The following KIF1A variants were observed in gnomAD, a reference collection of about 807,000 sequenced individuals.
The protein encoded by KIF1A is kinesin-like protein KIF1A.
In KIF1A, 46 loss-of-function variants were observed where a neutral mutation model predicts 227.3. The ratio of observed to expected loss-of-function variants is 0.20; its 90% CI spans 0.16 to 0.26. KIF1A has a LOEUF of 0.26. Among genes scored for constraint, KIF1A ranks in the 10% least tolerant of loss-of-function variants. The pLI, the probability that KIF1A is intolerant of heterozygous loss-of-function variation, is 1.00. For synonymous variants in KIF1A, 1,022 were observed against 1,012.8 expected (o/e 1.01, Z -0.17); for missense variants, 1,683 against 2,485.9 (o/e 0.68, Z 6.87).
chr2:240,755,363 G>A (rs2049724610), intron 27 of KIF1A, among the ~76,000 whole-genome samples: 1 of 152,230 alleles, frequency 6.6e-6, no homozygotes, highest in Admixed American at 6.5e-5. Context: ...AGGGAGGGAG[G>A]AGGCAGGTGC....
intron 1 of KIF1A, among the ~76,000 whole-genome samples, chr2:240,807,130 G>GTGTATATATATATATATATATATATATA (rs1356399506): frequency 8.4e-6 from 1 of 119,450 alleles, no homozygotes; most frequent in South Asian, 3.1e-4. Flanking sequence ...GTGTGTGTGT[G>GTGTATATATATATATATATATATATATA]TATATATATA....
At chr2:240,773,623 TTGTGCTCACACCGTGTACCAGCCGA>T (rs2052312552) in intron 12 of KIF1A, among the ~76,000 whole-genome samples, 2 of 152,166 alleles carry the variant, frequency 1.3e-5, no homozygotes, top group Admixed American at 6.5e-5. Context: ...GTGCATAGGC[TTGTGCTCACACCGTGTACCAGCCGA>T]TGCACATGTC....
chr2:240,794,272 C>T (rs1050325384), intron 2 of KIF1A, among the ~76,000 whole-genome samples: 6 of 152,364 alleles, frequency 3.9e-5, no homozygotes, highest in African/African-American at 1.4e-4. Flanking sequence ...CTTCCAAAAC[C>T]ACCACTGGTT....
intron 8 of KIF1A, 85 bp downstream of exon 8, chr2:240,783,654 G>C: frequency 9.2e-7 from 1 of 1,083,500 alleles, no homozygotes; most frequent in Non-Finnish European, 1.3e-6. Flanking sequence ...CCAGGCCCCC[G>C]GGACCCCAAC....
chr2:240,745,315 G>A, intron 32 of KIF1A, 112 bp downstream of exon 32: 1 of 859,054 alleles, frequency 1.2e-6, no homozygotes, highest in Non-Finnish European at 1.9e-6. Flanking sequence ...CGGTGCACAA[G>A]GCAGTCCTGG....
rs377130753 is a variant in KIF1A at position 240,814,777 on chromosome 2, T to C, written c.-61+5345A>G. 9.9e-5 allele frequency among the ~76,000 whole-genome samples: 15 copies of C among 152,104 alleles called. No homozygotes were observed. In the East Asian group the frequency reaches 2.7e-3, roughly 28 times the overall value. ...CCCCGTCTACAAAAAATTAGCCAGG[T>C]GTGGTGATACATGCCCATAGTCCCA... On this transcript the variant is annotated intron_variant, in intron 1 of 48. Coordinates refer to ENST00000498729, the MANE Select transcript of KIF1A (RefSeq NM_001244008.2).
Position 240,720,984 on chromosome 2 carries a change from C to T in KIF1A, c.4798G>A (p.Val1600Met). Reference protein sequence around the residue: ...LRDPSMSPLGVATLTPSSTCP... With the variant: ...LRDPSMSPLGMATLTPSSTCP... ...GTGGAGGAGGGGGTGAGAGTGGCCA[C>T]CCCTAGAGGGGACATCGACGGGTCC... Residue 1600 changes from valine to methionine, a missense_variant, in exon 45 of 49, where the codon GTG becomes ATG. Transcript: ENST00000498729. The T allele has an allele frequency of 6.2e-7, 1 of 1,608,826 alleles. No individual in the cohort carries two copies. Among genetic ancestry groups the T allele is most frequent in the Non-Finnish European group, 8.5e-7 (1 of 1,178,306 alleles).
At position 240,789,131 on chromosome 2, in the gene KIF1A, C is replaced by A; in HGVS notation, c.183+105G>T. On this transcript the variant is annotated intron_variant, in intron 3 of 48. Coordinates refer to ENST00000498729, the MANE Select transcript of KIF1A (RefSeq NM_001244008.2). The surrounding 1 kb of genome is among the most constrained non-coding windows in gnomAD (Gnocchi z 4.8). ...AGGGGAGCAGGGTGGGGTCCTCGCCCCAGTTAGAGAGGAATGAGCGGCTCA... is the reference window on the plus strand; with the variant it reads ...AGGGGAGCAGGGTGGGGTCCTCGCCACAGTTAGAGAGGAATGAGCGGCTCA... The A allele has an allele frequency of 1.1e-6, 1 of 918,832 alleles. No individual in the cohort carries two copies. The highest frequency in any genetic ancestry group is 1.7e-6 in the Non-Finnish European group (1 of 572,374). 56.9% of individuals were successfully genotyped at this position (918,832 alleles called of 1,614,324 possible).
intron 1 of KIF1A, among the ~76,000 whole-genome samples, chr2:240,803,192 T>G (rs1249582126): frequency 6.6e-6 from 1 of 152,222 alleles, no homozygotes; most frequent in South Asian, 2.1e-4. Flanking sequence ...GAAAACATTT[T>G]GAATGAGTGA....
intron 1 of KIF1A, among the ~76,000 whole-genome samples, chr2:240,800,366 G>A (rs2056861697): frequency 6.6e-6 from 1 of 152,180 alleles, no homozygotes. Flanking sequence ...GTGGCCAGCA[G>A]CCGACCAATG....
At position 240,772,603 on chromosome 2, in the gene KIF1A, G is replaced by C. The variant is rs1182450386; in HGVS notation, c.1181-7C>G. ...CCTCCAGGCACAGTGTTGGCTATGG[G>C]GGAGGGAAGCGTGGGGGAGGGGGAG... On this transcript the variant is annotated splice_polypyrimidine_tract_variant and splice_region_variant and intron_variant, in intron 13 of 48. Transcript: ENST00000498729. 6.5e-7 allele frequency: 1 copy of C among 1,545,326 alleles called. No homozygotes were observed. Among genetic ancestry groups the C allele is most frequent in the East Asian group, 2.4e-5 (1 of 40,854 alleles).
At chr2:240,776,402 T>G (rs1045770807) in intron 10 of KIF1A, among the ~76,000 whole-genome samples, 1 of 152,050 alleles carries the variant, frequency 6.6e-6, no homozygotes, top group Non-Finnish European at 1.5e-5. Context: ...CCAGCTTAAA[T>G]CTCCCCTTCA....
Position 240,775,498 on chromosome 2 carries a change from G to A in KIF1A, c.958+353C>T, listed in dbSNP as rs1178086884. Among the ~76,000 whole-genome samples the A allele has an allele frequency of 6.6e-5, 10 of 152,198 alleles. No individual in the cohort carries two copies. The highest frequency in any genetic ancestry group is 1.7e-4 in the African/African-American group (7 of 41,460). ...ATCCAGCAAGCAGAGCTCCCAGATC[G>A]CGTCCCAGGTCCCCGTGACTGATGG... On this transcript the variant is annotated intron_variant, in intron 11 of 48. Coordinates refer to ENST00000498729, the MANE Select transcript of KIF1A (RefSeq NM_001244008.2). This position sits in a 1 kb window ranked among gnomAD's most constrained non-coding sequence, Gnocchi z 5.5.
rs576481895 is a variant in KIF1A, at chr2:240,740,975, G to T, written c.3749+294C>A. On this transcript the variant is annotated intron_variant, in intron 35 of 48. Transcript: ENST00000498729. The surrounding 1 kb of genome is among the most constrained non-coding windows in gnomAD (Gnocchi z 6.1). ...TAAGTGCTGTCTGCCTCCCTGCCCT[G>T]CCCCTGAGCCATACCCTGGTTTGCT... is the stretch of plus-strand genomic sequence containing the variant. Among the ~76,000 whole-genome samples the T allele has an allele frequency of 9.9e-5, 15 of 152,138 alleles. No individual in the cohort carries two copies. The highest frequency in any genetic ancestry group is 3.4e-4 in the African/African-American group (14 of 41,496).
intron 46 of KIF1A, 81 bp downstream of exon 46, chr2:240,719,693 C>A: frequency 7.2e-7 from 1 of 1,394,036 alleles, no homozygotes; most frequent in South Asian, 1.5e-5. Flanking sequence ...CCTGTGCCCC[C>A]AGTATGGGGA....
At chr2:240,795,480 A>G (rs893762169) in intron 2 of KIF1A, among the ~76,000 whole-genome samples, 2 of 152,210 alleles carry the variant, frequency 1.3e-5, no homozygotes, top group African/African-American at 4.8e-5. Context: ...CCACTGGGGC[A>G]TGAGGTCTCG....
At position 240,766,352 on chromosome 2, in the gene KIF1A, G is replaced by C. The variant is rs1385540920; in HGVS notation, c.1685-559C>G. On this transcript the variant is annotated intron_variant, in intron 19 of 48. Coordinates refer to ENST00000498729, the MANE Select transcript of KIF1A (RefSeq NM_001244008.2). This position sits in a 1 kb window ranked among gnomAD's most constrained non-coding sequence, Gnocchi z 5.0. ...ACACCACAGGCCCATCCCCAAGTTGGGCAGCACCAGGCAATGGGGACAGCC... is the reference window on the plus strand; with the variant it reads ...ACACCACAGGCCCATCCCCAAGTTGCGCAGCACCAGGCAATGGGGACAGCC... 1.3e-5 allele frequency among the ~76,000 whole-genome samples: 2 copies of C among 152,228 alleles called. No individual in the cohort carries two copies. Among genetic ancestry groups the C allele is most frequent in the African/African-American group, 4.8e-5 (2 of 41,464 alleles).
intron 28 of KIF1A, among the ~76,000 whole-genome samples, chr2:240,749,358 G>T (rs2048960745): frequency 6.6e-6 from 1 of 152,096 alleles, no homozygotes; most frequent in Admixed American, 6.5e-5. Context: ...GGCCATCTCA[G>T]CCTGCTCCAG....
chr2:240,777,335 C>CG (rs1472005383), intron 10 of KIF1A, among the ~76,000 whole-genome samples: 4 of 152,214 alleles, frequency 2.6e-5, no homozygotes, highest in African/African-American at 9.6e-5. Flanking sequence ...TGAGCCACCG[C>CG]GCCCGGCCTC....
Sources: allele counts gnomAD v4.1 joint callset (sites outside exome capture counted in the v4.1 genomes callset), GRCh38; gene constraint gnomAD v4.1.1; non-coding constraint Gnocchi (gnomAD v3.1); transcripts MANE v1.5; gene names NCBI Gene and HGNC (gene_info 2026-07-23, HGNC 2026-07-21).